The following IL20RB variants were observed in gnomAD, a reference collection of about 807,000 sequenced individuals.
IL20RB encodes interleukin-20 receptor subunit beta.
IL20RB carries 21 observed loss-of-function variants against 33.3 expected under a neutral mutation model. The ratio of observed to expected loss-of-function variants is 0.63; its 90% CI spans 0.45 to 0.91. The LOEUF is 0.91. Among genes scored for constraint, IL20RB ranks in the 40% least tolerant of loss-of-function variants. The pLI, the probability that IL20RB is intolerant of heterozygous loss-of-function variation, is 0.00. For missense variants in IL20RB, 345 were observed against 384.8 expected (o/e 0.90, Z 0.86); for synonymous variants, 147 against 146.8 (o/e 1.00, Z -0.01).
At chr3:136,994,564 C>T (rs1942091068) in intron 5 of IL20RB, among the ~76,000 whole-genome samples, 1 of 152,188 alleles carries the variant, frequency 6.6e-6, no homozygotes, top group Non-Finnish European at 1.5e-5. Flanking sequence ...TCTCCAGTCT[C>T]ATTGACTGGG....
intron 6 of IL20RB, among the ~76,000 whole-genome samples, chr3:137,005,717 C>T (rs1011954842): frequency 1.3e-5 from 2 of 152,116 alleles, no homozygotes; most frequent in Non-Finnish European, 2.9e-5. Context: ...TGACTCTATC[C>T]AATTTGCCAG....
intron 6 of IL20RB, among the ~76,000 whole-genome samples, chr3:137,007,883 G>A (rs1932958543): frequency 6.6e-6 from 1 of 152,178 alleles, no homozygotes; most frequent in African/African-American, 2.4e-5. Flanking sequence ...CACACTGGGG[G>A]CTGCAGACTG....
intron 6 of IL20RB, among the ~76,000 whole-genome samples, chr3:136,997,408 T>A (rs1277418252): frequency 1.3e-5 from 2 of 152,138 alleles, no homozygotes; most frequent in African/African-American, 4.8e-5. Context: ...TCTCTTTATG[T>A]CAGATTTTCC....
chr3:137,006,452 C>T (rs541094761), intron 6 of IL20RB, among the ~76,000 whole-genome samples: 2 of 152,018 alleles, frequency 1.3e-5, no homozygotes, highest in Non-Finnish European at 2.9e-5. Flanking sequence ...TTCTTGGAGG[C>T]TTTGTTCACT....
chr3:137,001,959 G>A (rs1577033056), intron 6 of IL20RB, among the ~76,000 whole-genome samples: 1 of 152,220 alleles, frequency 6.6e-6, no homozygotes, highest in East Asian at 1.9e-4. Context: ...GGTGTGTGAT[G>A]TTCCCTGCAC....
intron 6 of IL20RB, among the ~76,000 whole-genome samples, chr3:137,008,544 T>A (rs934269373): frequency 1.3e-5 from 2 of 152,214 alleles, no homozygotes; most frequent in Non-Finnish European, 2.9e-5. Flanking sequence ...AAATTAGTTC[T>A]AAACTGTGGG....
intron 1 of IL20RB, among the ~76,000 whole-genome samples, chr3:136,962,866 CAA>C (rs34403415): frequency 0.46 from 51,615 of 112,946 alleles, 9,578 homozygotes; most frequent in East Asian, 0.66. Flanking sequence ...GGATTTTGGC[CAA>C]AAAAAAAAAA....
intron 1 of IL20RB, among the ~76,000 whole-genome samples, chr3:136,960,661 A>G (rs1941194494): frequency 6.6e-6 from 1 of 152,200 alleles, no homozygotes; most frequent in Admixed American, 6.5e-5. Flanking sequence ...TCCACACATT[A>G]GGGATAGAGA....
At chr3:137,004,848 ATT>A (rs1326046850) in intron 6 of IL20RB, among the ~76,000 whole-genome samples, 29 of 151,888 alleles carry the variant, frequency 1.9e-4, no homozygotes, top group Non-Finnish European at 8.8e-5. Flanking sequence ...AGTTCTTTTA[ATT>A]GTGATGTTAG....
chr3:136,987,434 G>C (rs942399911), intron 3 of IL20RB, among the ~76,000 whole-genome samples: 1 of 152,306 alleles, frequency 6.6e-6, no homozygotes, highest in Non-Finnish European at 1.5e-5. Flanking sequence ...TTGAGCTAGA[G>C]ACAGAGTGCC....
intron 1 of IL20RB, among the ~76,000 whole-genome samples, chr3:136,971,619 A>G (rs1160538140): frequency 6.6e-6 from 1 of 152,128 alleles, no homozygotes; most frequent in African/African-American, 2.4e-5. Context: ...GGCTTATTTC[A>G]CTTAAGATAC....
At chr3:136,992,732 A>G (rs1243024170) in intron 5 of IL20RB, among the ~76,000 whole-genome samples, 1 of 151,956 alleles carries the variant, frequency 6.6e-6, no homozygotes, top group African/African-American at 2.4e-5. Context: ...TTAATTATAT[A>G]GTATATTTAT....
At chr3:136,979,530 T>C (rs1941716120) in intron 1 of IL20RB, among the ~76,000 whole-genome samples, 1 of 152,216 alleles carries the variant, frequency 6.6e-6, no homozygotes, top group Non-Finnish European at 1.5e-5. Context: ...TTGGGTGACA[T>C]GTGAGGATGA....
intron 1 of IL20RB, among the ~76,000 whole-genome samples, chr3:136,973,784 T>G (rs1941549188): frequency 6.6e-6 from 1 of 152,184 alleles, no homozygotes; most frequent in Non-Finnish European, 1.5e-5. Flanking sequence ...TATAACTTCT[T>G]GCTGCATTGA....
At position 137,010,200 on chromosome 3, in the gene IL20RB, C is replaced by T; in HGVS notation, c.913C>T (p.Leu305Phe). The T allele has an allele frequency of 6.4e-7, 1 of 1,574,000 alleles. No homozygotes were observed. The highest frequency in any genetic ancestry group is 8.7e-7 in the Non-Finnish European group (1 of 1,143,356). Residue 305 changes from leucine (L) to phenylalanine (F), a missense_variant, in exon 7 of 7, where the codon CTC (leucine) becomes TTC (phenylalanine). Coordinates refer to ENST00000329582, the MANE Select transcript of IL20RB (RefSeq NM_144717.4). Reference sequence around the variant, plus strand: ...CACGGCTGTGATGTCTCCTGAGGAACTCCTCAGGGCCTGGATCTCATAGGT... The same window carrying T: ...CACGGCTGTGATGTCTCCTGAGGAATTCCTCAGGGCCTGGATCTCATAGGT... ...CATAVMSPEE[L>F]LRAWIS
At chr3:136,971,859 G>A (rs554777775) in intron 1 of IL20RB, among the ~76,000 whole-genome samples, 23 of 152,308 alleles carry the variant, frequency 1.5e-4, no homozygotes, top group Admixed American at 1.1e-3. Context: ...CCCAGTAGTG[G>A]GGTGGCTGGA....
chr3:136,977,323 A>G (rs1323855957), intron 1 of IL20RB, among the ~76,000 whole-genome samples: 1 of 152,190 alleles, frequency 6.6e-6, no homozygotes, highest in Non-Finnish European at 1.5e-5. Flanking sequence ...CATTAAACCT[A>G]TATACAATTT....
chr3:136,996,686 T>A (rs746242171), intron 6 of IL20RB, among the ~76,000 whole-genome samples: 3 of 152,240 alleles, frequency 2.0e-5, no homozygotes, highest in African/African-American at 4.8e-5. Context: ...TGTTAGCTGA[T>A]ACTAGTACAG....
intron 2 of IL20RB, 126 bp downstream of exon 2, chr3:136,980,718 C>A: frequency 1.1e-6 from 1 of 928,412 alleles, no homozygotes; most frequent in Non-Finnish European, 1.7e-6. Context: ...AAGATCTACC[C>A]CCTCTGTCTG....
Sources: allele counts gnomAD v4.1 joint callset (sites outside exome capture counted in the v4.1 genomes callset), GRCh38; gene constraint gnomAD v4.1.1; transcripts MANE v1.5; gene names NCBI Gene and HGNC (gene_info 2026-07-23, HGNC 2026-07-21).